MRTFA: variants seen among roughly 807,000 people sequenced by gnomAD.
The protein encoded by MRTFA is myocardin related transcription factor A, also known as myocardin-related transcription factor A.
A neutral mutation model predicts 83.5 loss-of-function variants in MRTFA; 20 were observed. That is an observed-to-expected ratio of 0.24 (90% CI 0.17 to 0.35). The LOEUF is 0.35. Ranked by LOEUF, MRTFA falls within the 10% of genes least tolerant of loss-of-function variation. The pLI is 1.00. For missense variants in MRTFA, 1,200 were observed against 1,224.7 expected (o/e 0.98, Z 0.30); for synonymous variants, 659 against 541.2 (o/e 1.22, Z -3.02).
intron 3 of MRTFA, among the ~76,000 whole-genome samples, chr22:40,492,823 G>A (rs144997646): frequency 5.8e-4 from 89 of 152,282 alleles, no homozygotes; most frequent in African/African-American, 1.9e-3. Context: ...AACCATAAAC[G>A]TAATGGTTAA....
chr22:40,509,189 T>G (rs1316194953), intron 3 of MRTFA, among the ~76,000 whole-genome samples: 5 of 152,172 alleles, frequency 3.3e-5, no homozygotes, highest in Non-Finnish European at 5.9e-5. Flanking sequence ...TCCTCATCTG[T>G]GATACAAAGA....
intron 3 of MRTFA, among the ~76,000 whole-genome samples, chr22:40,548,549 G>A (rs1021717737): frequency 6.6e-6 from 1 of 151,782 alleles, no homozygotes; most frequent in African/African-American, 2.4e-5. Context: ...GCATGGGACA[G>A]AAAATATTGT....
intron 3 of MRTFA, among the ~76,000 whole-genome samples, chr22:40,468,449 A>G (rs1375161748): frequency 6.6e-6 from 1 of 152,132 alleles, no homozygotes; most frequent in Non-Finnish European, 1.5e-5. Context: ...ACAGGACAGT[A>G]AAAAAACAAG....
At chr22:40,587,929 CAA>C in intron 2 of MRTFA, 1 of 388,540 alleles carries the variant, frequency 2.6e-6, no homozygotes, top group East Asian at 5.5e-5. Flanking sequence ...ATACAGGAGA[CAA>C]AGTGACATTT....
At chr22:40,503,634 C>A (rs1025215291) in intron 3 of MRTFA, among the ~76,000 whole-genome samples, 1 of 152,204 alleles carries the variant, frequency 6.6e-6, no homozygotes, top group African/African-American at 2.4e-5. Context: ...ATCAGTGTTT[C>A]CCAGGATACT....
chr22:40,528,098 T>C (rs954510774), intron 3 of MRTFA, among the ~76,000 whole-genome samples: 1 of 152,098 alleles, frequency 6.6e-6, no homozygotes, highest in African/African-American at 2.4e-5. Flanking sequence ...ATCATTAAAG[T>C]ATGAGATCAC....
chr22:40,429,562 G>T, intron 7 of MRTFA, 44 bp downstream of exon 7: 1 of 1,611,982 alleles, frequency 6.2e-7, no homozygotes, highest in Non-Finnish European at 8.5e-7. Flanking sequence ...CTCCCCTCCT[G>T]CATCTCAGCT....
intron 4 of MRTFA, among the ~76,000 whole-genome samples, chr22:40,445,454 C>T (rs1259718879): frequency 2.2e-4 from 34 of 152,172 alleles, no homozygotes; most frequent in Non-Finnish European, 5.0e-4. Context: ...ACCTACAGTC[C>T]ATATCTGAAT....
intron 3 of MRTFA, among the ~76,000 whole-genome samples, chr22:40,545,625 G>A (rs900296192): frequency 2.0e-5 from 3 of 151,448 alleles, no homozygotes; most frequent in African/African-American, 7.3e-5. Flanking sequence ...TAGAGACGGG[G>A]TTTCACCATG....
chr22:40,469,150 A>C (rs2053859078), intron 3 of MRTFA, among the ~76,000 whole-genome samples: 1 of 152,204 alleles, frequency 6.6e-6, no homozygotes, highest in African/African-American at 2.4e-5. Context: ...TAGACAGAAC[A>C]ACTAGGTAGA....
chr22:40,500,348 ATT>A (rs67459262), intron 3 of MRTFA, among the ~76,000 whole-genome samples: 13 of 139,110 alleles, frequency 9.3e-5, no homozygotes, highest in East Asian at 8.2e-4. Flanking sequence ...TATTTTTTTT[ATT>A]TTTTTTTTAA....
intron 3 of MRTFA, among the ~76,000 whole-genome samples, chr22:40,485,473 G>A (rs1001512043): frequency 6.6e-6 from 1 of 152,260 alleles, no homozygotes; most frequent in African/African-American, 2.4e-5. Context: ...GTGAAGGCGG[G>A]AGGAGAGCCT....
At position 40,487,156 on chromosome 22, in the gene MRTFA, T is replaced by C. The variant is rs1415565931; in HGVS notation, c.242-23870A>G. On this transcript the variant is annotated intron_variant, in intron 3 of 14. Transcript: ENST00000355630. ...TATATGTTAACCACTATTGTGACTA[T>C]AATCACCTCTCAGTGTATGCAGCCT... Among the ~76,000 whole-genome samples the C allele has an allele frequency of 2.0e-5, 3 of 152,330 alleles. No homozygotes were observed. The South Asian group carries it at 6.2e-4, about 32-fold the overall frequency.
At chr22:40,566,988 G>C (rs2055714933) in intron 2 of MRTFA, among the ~76,000 whole-genome samples, 1 of 152,054 alleles carries the variant, frequency 6.6e-6, no homozygotes, top group South Asian at 2.1e-4. Context: ...ATGTTGTTTT[G>C]ACCTGTGTCT....
intron 3 of MRTFA, among the ~76,000 whole-genome samples, chr22:40,550,631 T>C (rs2055429563): frequency 6.6e-6 from 1 of 152,124 alleles, no homozygotes; most frequent in Non-Finnish European, 1.5e-5. Context: ...GAACACATAA[T>C]TTTCTCTCAT....
chr22:40,605,374 A>G (rs1485435760), intron 1 of MRTFA, among the ~76,000 whole-genome samples: 1 of 152,218 alleles, frequency 6.6e-6, no homozygotes, highest in African/African-American at 2.4e-5. Flanking sequence ...TTTTAGATAT[A>G]GTGATAAGGA....
chr22:40,417,071 A>AT (rs767974658), intron 13 of MRTFA, 25 bp from the exon 14 acceptor site: 2 of 1,561,832 alleles, frequency 1.3e-6, no homozygotes, highest in Non-Finnish European at 8.7e-7. Flanking sequence ...AAAAAAAAAA[A>AT]AGAGATAAAA....
At chr22:40,412,784 G>A (rs973420647) in intron 14 of MRTFA, 1 of 152,182 alleles carries the variant, frequency 6.6e-6, no homozygotes, top group African/African-American at 2.4e-5. Context: ...GGATGGCAGT[G>A]ATGGCTGTAC....
At chr22:40,504,434 A>G (rs555571630) in intron 3 of MRTFA, among the ~76,000 whole-genome samples, 8 of 152,366 alleles carry the variant, frequency 5.3e-5, no homozygotes, top group Non-Finnish European at 1.0e-4. Context: ...CTAATCAGAA[A>G]TTAGGCCATG....
Sources: gnomAD v4.1 joint callset for allele counts (sites outside exome capture counted in the v4.1 genomes callset) on GRCh38, gnomAD v4.1.1 for gene constraint, MANE v1.5 for transcripts, NCBI Gene and HGNC (gene_info 2026-07-23, HGNC 2026-07-21) for gene names.